Variants in SAXO1 observed in about 807,000 individuals in gnomAD.
SAXO1 encodes 4930500O09Rik.
In SAXO1, 21 loss-of-function variants were observed where a neutral mutation model predicts 17.5. The ratio of observed to expected loss-of-function variants is 1.20; its 90% CI spans 0.85 to 1.72. SAXO1 has a LOEUF of 1.72. Among genes scored for constraint, SAXO1 ranks in the 40% most tolerant of loss-of-function variants. The pLI, the probability that SAXO1 is intolerant of heterozygous loss-of-function variation, is 0.00. For synonymous variants in SAXO1, 274 were observed against 216.5 expected, an observed-to-expected ratio of 1.27 and a Z score of -2.33; for missense variants, 843 against 596.0, an observed-to-expected ratio of 1.41 and a Z score of -4.32.
chr9:18,949,469 T>G (rs1021609594), intron 2 of SAXO1, among the ~76,000 whole-genome samples: 19 of 151,704 alleles, frequency 1.3e-4, no homozygotes, highest in African/African-American at 4.4e-4. Context: ...AAAAAAAATT[T>G]TTTTTAAGTG....
intron 1 of SAXO1, among the ~76,000 whole-genome samples, chr9:18,995,031 T>C (rs972862735): frequency 6.6e-6 from 1 of 152,226 alleles, no homozygotes; most frequent in African/African-American, 2.4e-5. Flanking sequence ...TGAGTTTTTC[T>C]TTTTGAAATG....
intron 2 of SAXO1, among the ~76,000 whole-genome samples, chr9:18,946,736 A>G (rs775229792): frequency 2.0e-5 from 3 of 152,202 alleles, no homozygotes; most frequent in Non-Finnish European, 4.4e-5. Flanking sequence ...TTTTTAAACC[A>G]TGCTCATTAA....
chr9:18,978,119 G>C (rs1833227497), intron 1 of SAXO1, among the ~76,000 whole-genome samples: 1 of 151,492 alleles, frequency 6.6e-6, no homozygotes, highest in Non-Finnish European at 1.5e-5. Flanking sequence ...CTCAAAAGCA[G>C]TGCCTGGTCA....
intron 1 of SAXO1, among the ~76,000 whole-genome samples, chr9:18,985,715 C>T (rs1011116312): frequency 8.5e-5 from 13 of 152,282 alleles, no homozygotes; most frequent in African/African-American, 2.6e-4. Context: ...CTTTCTGTTC[C>T]GGCAGCTGCA....
chr9:19,001,643 G>A (rs1177957478), intron 1 of SAXO1, among the ~76,000 whole-genome samples: 1 of 147,116 alleles, frequency 6.8e-6, no homozygotes, highest in South Asian at 2.2e-4. Context: ...TCTAGCCTGG[G>A]CAACAGAGCA....
intron 1 of SAXO1, among the ~76,000 whole-genome samples, chr9:18,978,552 G>A (rs1260949429): frequency 5.3e-5 from 8 of 152,202 alleles, no homozygotes. Context: ...ATTGTGCAAG[G>A]TGAGCTTTTG....
At chr9:19,008,047 A>G (rs539799695) in intron 1 of SAXO1, among the ~76,000 whole-genome samples, 1 of 150,460 alleles carries the variant, frequency 6.6e-6, no homozygotes, top group African/African-American at 2.5e-5. Flanking sequence ...AGCTCACTGT[A>G]GCATTGACCT....
intron 1 of SAXO1, among the ~76,000 whole-genome samples, chr9:19,043,538 G>A (rs533837450): frequency 7.9e-5 from 12 of 151,878 alleles, no homozygotes; most frequent in Non-Finnish European, 1.3e-4. Flanking sequence ...AGGCCAAGGC[G>A]GGCAGATCAC....
At chr9:19,009,593 A>C (rs1834638127) in intron 1 of SAXO1, among the ~76,000 whole-genome samples, 1 of 152,142 alleles carries the variant, frequency 6.6e-6, no homozygotes, top group Non-Finnish European at 1.5e-5. Flanking sequence ...AAATCTGTGC[A>C]GAGAGGAGTA....
intron 2 of SAXO1, among the ~76,000 whole-genome samples, chr9:18,950,329 T>G (rs1324645438): frequency 6.6e-6 from 1 of 152,166 alleles, no homozygotes; most frequent in East Asian, 1.9e-4. Flanking sequence ...AGCTCATTTT[T>G]TCTCTATTGC....
intron 1 of SAXO1, among the ~76,000 whole-genome samples, chr9:19,007,349 AAAAAATGAAAAAAT>A (rs1347830579): frequency 6.6e-6 from 1 of 152,240 alleles, no homozygotes; most frequent in Non-Finnish European, 1.5e-5. Flanking sequence ...CCATCTCAAA[AAAAAATGAAAAAAT>A]AAACTGGTTA....
intron 1 of SAXO1, among the ~76,000 whole-genome samples, chr9:18,969,591 T>C (rs903228987): frequency 6.6e-6 from 1 of 152,202 alleles, no homozygotes; most frequent in African/African-American, 2.4e-5. Context: ...TCCACAATAT[T>C]AAAAAATGCT....
intron 3 of SAXO1, among the ~76,000 whole-genome samples, chr9:18,933,639 A>G (rs145884038): frequency 0.02 from 3,096 of 152,280 alleles, 62 homozygotes; most frequent in Admixed American, 0.067. Context: ...TTGAATCATA[A>G]TATCACTAGA....
At position 19,032,935 on chromosome 9, in the gene SAXO1, C is replaced by T. The variant is rs1470576461; in HGVS notation, c.-27G>A. 9 of 1,601,524 alleles carry T rather than the reference C, an allele frequency of 5.6e-6. No individual in the cohort carries two copies. Among genetic ancestry groups the T allele is most frequent in the Non-Finnish European group, 7.6e-6 (9 of 1,176,590 alleles). ...GGGGCGATCCTGAGGCCCTGACGTC[C>T]CCTCAGAGCATCGCCAGCTGCAGCC... is the stretch of plus-strand genomic sequence containing the variant. On this transcript the variant is annotated 5_prime_UTR_variant, in exon 1 of 4. Coordinates refer to ENST00000380534, the MANE Select transcript of SAXO1 (RefSeq NM_153707.4).
intron 1 of SAXO1, among the ~76,000 whole-genome samples, chr9:18,962,305 T>C (rs1435606570): frequency 1.3e-5 from 2 of 152,236 alleles, no homozygotes; most frequent in African/African-American, 2.4e-5. Context: ...CGAACTCAGA[T>C]GATCTGCCCG....
intron 1 of SAXO1, among the ~76,000 whole-genome samples, chr9:19,022,236 C>G (rs1219351881): frequency 6.6e-6 from 1 of 152,214 alleles, no homozygotes; most frequent in Non-Finnish European, 1.5e-5. Context: ...TCAGAGAGAT[C>G]ACCAACCCAC....
intron 1 of SAXO1, among the ~76,000 whole-genome samples, chr9:19,044,789 G>A (rs1040604938): frequency 6.6e-6 from 1 of 151,854 alleles, no homozygotes; most frequent in African/African-American, 2.4e-5. Flanking sequence ...CGTGAACCCG[G>A]GAGGCGGAGC....
intron 1 of SAXO1, among the ~76,000 whole-genome samples, chr9:19,009,893 C>T (rs1263119806): frequency 3.3e-5 from 5 of 151,306 alleles, no homozygotes; most frequent in African/African-American, 1.2e-4. Context: ...GTGGCACCAT[C>T]TCTGCTCACT....
intron 1 of SAXO1, among the ~76,000 whole-genome samples, chr9:18,996,536 C>T (rs542400186): frequency 6.6e-6 from 1 of 152,142 alleles, no homozygotes; most frequent in African/African-American, 2.4e-5. Flanking sequence ...CTTATGGAAC[C>T]ATCATCATAT....
Sources: allele counts gnomAD v4.1 joint callset (sites outside exome capture counted in the v4.1 genomes callset), GRCh38; gene constraint gnomAD v4.1.1; transcripts MANE v1.5; gene names NCBI Gene and HGNC (gene_info 2026-07-23, HGNC 2026-07-21).